Variants in LRGUK observed in about 807,000 individuals in gnomAD.
LRGUK encodes leucine rich repeats and guanylate kinase domain containing.
In LRGUK, 65 loss-of-function variants were observed where a neutral mutation model predicts 76.0. The ratio of observed to expected loss-of-function variants is 0.85; its 90% CI spans 0.70 to 1.05. The LOEUF (loss-of-function observed/expected upper bound fraction) is 1.05, where lower values mean the gene tolerates loss of function less well. Among genes scored for constraint, LRGUK ranks in the 50% least tolerant of loss-of-function variants. The probability of loss-of-function intolerance (pLI) is 0.00; values close to 1 mark genes in which losing one functional copy is unlikely to be tolerated. For missense variants in LRGUK, 758 were observed against 732.8 expected (o/e 1.03, Z -0.40); for synonymous variants, 268 against 265.6 (o/e 1.01, Z -0.09).
chr7:134,250,248 A>G (rs1425717393), intron 18 of LRGUK, among the ~76,000 whole-genome samples: 1 of 152,188 alleles, frequency 6.6e-6, no homozygotes, highest in Non-Finnish European at 1.5e-5. Flanking sequence ...TTATTTGCAC[A>G]GGGATATATA....
At chr7:134,141,389 G>GA (rs1797758421) in intron 3 of LRGUK, among the ~76,000 whole-genome samples, 1 of 152,150 alleles carries the variant, frequency 6.6e-6, no homozygotes, top group Non-Finnish European at 1.5e-5. Context: ...GCTCCTGGAT[G>GA]AGGCTGATGC....
the LRGUK span, among the ~76,000 whole-genome samples, chr7:134,276,232 T>C: frequency 2.0e-5 from 3 of 152,230 alleles, no homozygotes; most frequent in African/African-American, 7.2e-5. Context: ...ATGTCGACTA[T>C]AGAATACGAA....
At position 134,262,993 on chromosome 7, in the gene LRGUK, A is replaced by AAAT. The variant is rs1442982665; in HGVS notation, c.2348-852_2348-851insAAT. Among the ~76,000 whole-genome samples the AAAT allele has an allele frequency of 4.9e-5, 7 of 142,186 alleles. No homozygotes were observed. The East Asian group carries it at 1.3e-3, about 26-fold the overall frequency. 93.3% of individuals were successfully genotyped at this position (142,186 alleles called of 152,430 possible). A position where few individuals can be genotyped will look rare whatever the true frequency, so the allele number is the denominator to read the frequency against. ...CTCAAAAAAAAAAAAAAAAAAAAAA[A>AAAT]GGAGGAGTTTTTTTTCTTTTCTTTT... On this transcript the variant is annotated intron_variant, in intron 19 of 19. Transcript: ENST00000285928.
chr7:134,247,773 G>C (rs79903579), intron 17 of LRGUK, 129 bp downstream of exon 17: 23,600 of 604,316 alleles, frequency 0.039, 1,824 homozygotes, highest in African/African-American at 0.22. Context: ...AGCAGTAAAA[G>C]CAGTTCTAGA....
chr7:134,232,797 A>C (rs1389192831), intron 16 of LRGUK, among the ~76,000 whole-genome samples: 5 of 152,164 alleles, frequency 3.3e-5, no homozygotes, highest in Non-Finnish European at 7.4e-5. Context: ...AATTTAATAA[A>C]ATATCCAATT....
At chr7:134,172,962 G>A (rs1799320161) in intron 7 of LRGUK, among the ~76,000 whole-genome samples, 1 of 151,936 alleles carries the variant, frequency 6.6e-6, no homozygotes, top group African/African-American at 2.4e-5. Context: ...ACCCCAGCAT[G>A]GGTGACAGAG....
At chr7:134,175,190 C>G (rs1799430143) in intron 8 of LRGUK, among the ~76,000 whole-genome samples, 1 of 152,124 alleles carries the variant, frequency 6.6e-6, no homozygotes, top group Non-Finnish European at 1.5e-5. Flanking sequence ...GGGAGTGTTT[C>G]AAGTCCTTCT....
In LRGUK at chr7:134,184,990, G is replaced by A. The variant is rs140026627; in HGVS notation, c.1334+1137G>A. Reference sequence around the variant, plus strand: ...GTCTGAGCCTGGAACATGTGCCAACGGCACTGGAGCGTCTTTGTCTCTGAC... The same window carrying A: ...GTCTGAGCCTGGAACATGTGCCAACAGCACTGGAGCGTCTTTGTCTCTGAC... On this transcript the variant is annotated intron_variant, in intron 11 of 15. Coordinates refer to ENST00000645682, the Ensembl canonical transcript of LRGUK. 7.2e-3 allele frequency among the ~76,000 whole-genome samples: 1,094 copies of A among 152,318 alleles called. 15 individuals are homozygous for A. The highest frequency in any genetic ancestry group is 0.02 in the African/African-American group (836 of 41,570).
At chr7:134,248,979 G>A (rs758061584) in exon 18 of LRGUK, 4 of 1,576,236 alleles carry the variant, frequency 2.5e-6, no homozygotes, top group Admixed American at 1.7e-5. Context: ...TCTCACCAGT[G>A]GTCTACACTA....
chr7:134,223,847 C>A (rs1236208345), intron 16 of LRGUK, among the ~76,000 whole-genome samples: 1 of 152,166 alleles, frequency 6.6e-6, no homozygotes, highest in Non-Finnish European at 1.5e-5. Context: ...GCCTTGAACG[C>A]CTGGCCCCAA....
intron 3 of LRGUK, among the ~76,000 whole-genome samples, chr7:134,142,367 A>G (rs1585425365): frequency 6.6e-6 from 1 of 152,314 alleles, no homozygotes; most frequent in South Asian, 2.1e-4. Flanking sequence ...GTAAAACAAT[A>G]GTTCATATCT....
At chr7:134,180,790 G>A (rs1243878476) in intron 10 of LRGUK, among the ~76,000 whole-genome samples, 1 of 152,050 alleles carries the variant, frequency 6.6e-6, no homozygotes, top group Non-Finnish European at 1.5e-5. Flanking sequence ...CAGTTGAGTG[G>A]CATCAAGTAC....
rs1187367060 is a variant in LRGUK at position 134,178,379 on chromosome 7, G to C, written c.1108-124G>C. On this transcript the variant is annotated intron_variant, in intron 9 of 15. Coordinates refer to ENST00000645682, the Ensembl canonical transcript of LRGUK. The stretch of plus-strand genomic sequence containing the variant: ...ACTGAATACTAATGTTAATGGGTGT[G>C]TGTTAAATTATTTTGTGTACCTGGC... 5 of 598,742 alleles carry C rather than the reference G, an allele frequency of 8.4e-6. No individual in the cohort carries two copies. The African/African-American group carries it at 9.3e-5, about 11-fold the overall frequency. The allele number at this position is 598,742 out of a possible 1,614,324, so 37.1% of individuals were successfully genotyped here. A position where few individuals can be genotyped will look rare whatever the true frequency, so the allele number is the denominator to read the frequency against.
chr7:134,264,932 AC>A (rs1802828966), downstream of LRGUK, among the ~76,000 whole-genome samples: 1 of 152,150 alleles, frequency 6.6e-6, no homozygotes, highest in Admixed American at 6.5e-5. Flanking sequence ...AAATATCAAA[AC>A]CCCTTTTAAT....
At chr7:134,267,235 G>T (rs1312250525), downstream of LRGUK, among the ~76,000 whole-genome samples, 1 of 152,176 alleles carries the variant, frequency 6.6e-6, no homozygotes, top group Non-Finnish European at 1.5e-5. Context: ...CTACTACGCA[G>T]CCATAAAAAG....
chr7:134,158,199 T>TAAA, intron 6 of LRGUK, 40 bp downstream of exon 6: 5 of 1,558,948 alleles, frequency 3.2e-6, no homozygotes, highest in Non-Finnish European at 4.4e-6. Context: ...GAAGTAGTAG[T>TAAA]TAATGCTTTT....
rs147394550 is a variant in LRGUK at position 134,199,114 on chromosome 7, A to G, written c.1546-106A>G. On this transcript the variant is annotated intron_variant, in intron 13 of 15. Coordinates refer to ENST00000645682, the Ensembl canonical transcript of LRGUK. ...CTATACAGATGAAATAAATTCTTCA[A>G]TATATTAATAATACTACTTCTTATA... is the stretch of plus-strand genomic sequence containing the variant. 729 of 765,352 alleles carry G rather than the reference A, an allele frequency of 9.5e-4. 4 individuals carry two copies. The highest frequency in any genetic ancestry group is 1.4e-3 in the Non-Finnish European group (637 of 470,158). The allele number at this position is 765,352 out of a possible 1,614,324, so 47.4% of individuals were successfully genotyped here.
intron 3 of LRGUK, among the ~76,000 whole-genome samples, chr7:134,142,485 G>A (rs1050684490): frequency 1.3e-5 from 2 of 152,114 alleles, no homozygotes; most frequent in Admixed American, 1.3e-4. Flanking sequence ...TGCAAAACTC[G>A]GATGTACGTT....
chr7:134,225,218 AC>A (rs1801710967), intron 16 of LRGUK, among the ~76,000 whole-genome samples: 1 of 151,908 alleles, frequency 6.6e-6, no homozygotes, highest in African/African-American at 2.4e-5. Context: ...GTATGGGGAA[AC>A]TGGAGAGAGG....
Sources: gnomAD v4.1 joint callset for allele counts (sites outside exome capture counted in the v4.1 genomes callset) on GRCh38, gnomAD v4.1.1 for gene constraint, MANE v1.5 for transcripts, NCBI Gene and HGNC (gene_info 2026-07-23, HGNC 2026-07-21) for gene names.